VIP: variants seen among roughly 807,000 people sequenced by gnomAD.
The protein encoded by VIP is VIP peptides.
VIP carries 18 observed loss-of-function variants against 20.1 expected under a neutral mutation model. The ratio of observed to expected loss-of-function variants is 0.90; its 90% confidence interval spans 0.62 to 1.33. The LOEUF is 1.33. Among genes scored for constraint, VIP ranks in the 40% most tolerant of loss-of-function variants. The pLI is 0.00. For missense variants in VIP, 209 were observed against 199.4 expected (o/e 1.05, Z -0.29); for synonymous variants, 70 against 68.1 (o/e 1.03, Z -0.14).
intron 4 of VIP, 76 bp downstream of exon 4, chr6:152,755,449 G>C: frequency 2.2e-6 from 2 of 920,314 alleles, no homozygotes; most frequent in Admixed American, 3.5e-5. Flanking sequence ...CTCTTAACAA[G>C]TTATTTACTT....
chr6:152,752,465 T>C (rs1326774916), intron 2 of VIP, among the ~76,000 whole-genome samples, 181 bp downstream of exon 2: 2 of 152,156 alleles, frequency 1.3e-5, no homozygotes, highest in Non-Finnish European at 2.9e-5. Flanking sequence ...TGGAATTCAC[T>C]TTCAGGGCAT....
In VIP at chr6:152,757,079, GT is replaced by G. The variant is rs1223850182; in HGVS notation, c.468-12del. Reference sequence around the variant, plus strand: ...ATCTGAGAGCCTTAATATGTACAATGTTTTTCTGGTCTGCAGCAGTGAGGGA... The same window carrying G: ...ATCTGAGAGCCTTAATATGTACAATGTTTTCTGGTCTGCAGCAGTGAGGGA... On this transcript the variant is annotated splice_polypyrimidine_tract_variant and intron_variant, in intron 5 of 6. Transcript: ENST00000367244. 1.9e-6 allele frequency: 3 copies of G among 1,611,334 alleles called. No individual in the cohort carries two copies. The Admixed American group carries it at 5.0e-5, about 27-fold the overall frequency.
At chr6:152,756,560 A>G (rs974908457) in intron 5 of VIP, among the ~76,000 whole-genome samples, 6 of 152,002 alleles carry the variant, frequency 3.9e-5, no homozygotes, top group Non-Finnish European at 8.8e-5. Context: ...AATGATGACT[A>G]TACAGACATC....
chr6:152,757,031 A>G (rs150350855), intron 5 of VIP, 65 bp from the exon 6 acceptor site: 115 of 1,504,372 alleles, frequency 7.6e-5, no homozygotes, highest in Admixed American at 3.2e-4. Context: ...TTATGTCATA[A>G]TAGTTTCTTT....
chr6:152,752,370 A>T, intron 2 of VIP, 86 bp downstream of exon 2: 6 of 1,102,878 alleles, frequency 5.4e-6, no homozygotes, highest in Middle Eastern at 2.1e-4. Flanking sequence ...ACAACTAAAT[A>T]GTATAAATTA....
At position 152,757,824 on chromosome 6, in the gene VIP, G is replaced by A. The variant is rs138743058; in HGVS notation, c.*43+640G>A. Among the ~76,000 whole-genome samples the A allele has an allele frequency of 7.0e-4, 106 of 151,928 alleles. 1 individual carries two copies. The highest frequency in any genetic ancestry group is 2.5e-3 in the African/African-American group (103 of 41,488). ...TGGATAGACTTTTTTTCTTTGTGAA[G>A]TAATAAGCTTGCTATCAAAATTGAT... is the stretch of plus-strand genomic sequence containing the variant. On this transcript the variant is annotated intron_variant, in intron 6 of 6. Transcript: ENST00000367244.
intron 3 of VIP, 29 bp from the exon 4 acceptor site, chr6:152,755,240 A>C: frequency 2.1e-6 from 3 of 1,422,788 alleles, no homozygotes; most frequent in Non-Finnish European, 2.9e-6. Context: ...TTTACAAAAT[A>C]ATAGCTATTT....
At chr6:152,755,062 T>C (rs2129074580) in intron 3 of VIP, among the ~76,000 whole-genome samples, 1 of 152,074 alleles carries the variant, frequency 6.6e-6, no homozygotes, top group South Asian at 2.1e-4. Flanking sequence ...TTTTTCAGTG[T>C]CTTGGGCTAG....
intron 5 of VIP, 82 bp from the exon 6 acceptor site, chr6:152,757,014 A>G (rs946132163): frequency 1.5e-6 from 2 of 1,362,580 alleles, no homozygotes; most frequent in Admixed American, 3.7e-5. Context: ...AGAGAACAGC[A>G]CATTCATTAT....
In VIP at chr6:152,753,358, A is replaced by G. The variant is rs888221308; in HGVS notation, c.108-808A>G. On this transcript the variant is annotated intron_variant, in intron 2 of 6. Coordinates refer to ENST00000367244, the MANE Select transcript of VIP (RefSeq NM_003381.4). ...GTCCAGGAGCTGACACGCTCCTTGG[A>G]TGTTTGCCCTAACAGTGAAAATCTG... Among the ~76,000 whole-genome samples the G allele has an allele frequency of 1.5e-4, 23 of 152,240 alleles. 1 individual carries two copies. Among genetic ancestry groups the G allele is most frequent in the Admixed American group, 7.2e-4 (11 of 15,254 alleles).
chr6:152,755,261 T>C lies in VIP; in HGVS notation c.231-8T>C. On this transcript the variant is annotated splice_polypyrimidine_tract_variant and splice_region_variant and intron_variant, in intron 3 of 6. Coordinates refer to ENST00000367244, the MANE Select transcript of VIP (RefSeq NM_003381.4). ...AAATAATAGCTATTTTTTTCTTCCT[T>C]GTTTTAGAAATGCCAGGCATGCTGA... The C allele has an allele frequency of 6.5e-7, 1 of 1,548,626 alleles. No individual in the cohort carries two copies. Among genetic ancestry groups the C allele is most frequent in the Non-Finnish European group, 8.7e-7 (1 of 1,150,044 alleles).
chr6:152,754,676 G>A (rs1409817339), intron 3 of VIP, among the ~76,000 whole-genome samples: 2 of 152,072 alleles, frequency 1.3e-5, no homozygotes, highest in Non-Finnish European at 2.9e-5. Flanking sequence ...TGTTTGTCTA[G>A]AGCATCATTT....
intron 4 of VIP, 137 bp downstream of exon 4, chr6:152,755,510 A>G: frequency 1.8e-6 from 1 of 550,132 alleles, no homozygotes; most frequent in Non-Finnish European, 3.0e-6. Context: ...TAAATGAAAT[A>G]ACTTGTATTC....
intron 2 of VIP, among the ~76,000 whole-genome samples, chr6:152,753,121 C>T (rs1257062472): frequency 1.3e-5 from 2 of 152,156 alleles, no homozygotes. Flanking sequence ...AGAATAACCT[C>T]TTAGCTATTA....
intron 2 of VIP, 55 bp from the exon 3 acceptor site, chr6:152,754,111 A>G (rs2099730057): frequency 3.2e-6 from 5 of 1,577,176 alleles, no homozygotes; most frequent in African/African-American, 1.4e-5. Flanking sequence ...GCGGAACCAT[A>G]CACACTGTCT....
At chr6:152,755,180 C>G in intron 3 of VIP, 89 bp from the exon 4 acceptor site, 1 of 748,864 alleles carries the variant, frequency 1.3e-6, no homozygotes, top group Admixed American at 3.2e-5. Flanking sequence ...CATAATAAGC[C>G]CATAATTTTT....
At chr6:152,755,907 G>C (rs1426462954) in intron 4 of VIP, among the ~76,000 whole-genome samples, 1 of 151,708 alleles carries the variant, frequency 6.6e-6, no homozygotes, top group Non-Finnish European at 1.5e-5. Context: ...TTGCTCAGCT[G>C]TACAGAATGT....
intron 2 of VIP, among the ~76,000 whole-genome samples, chr6:152,753,334 T>A (rs187279954): frequency 6.6e-6 from 1 of 152,120 alleles, no homozygotes; most frequent in Non-Finnish European, 1.5e-5. Flanking sequence ...TACACAAGTG[T>A]CCAGGAGCTG....
At chr6:152,758,855 G>C (rs1255070852) in intron 6 of VIP, 55 bp from the exon 7 acceptor site, 1 of 151,992 alleles carries the variant, frequency 6.6e-6, no homozygotes, top group Non-Finnish European at 1.5e-5. Context: ...ATGAAACTAA[G>C]ATGCTAGAAA....
Sources: gnomAD v4.1 joint callset for allele counts (sites outside exome capture counted in the v4.1 genomes callset) on GRCh38, gnomAD v4.1.1 for gene constraint, MANE v1.5 for transcripts, NCBI Gene and HGNC (gene_info 2026-07-23, HGNC 2026-07-21) for gene names.